The following ANKH variants were observed in gnomAD, a reference collection of about 807,000 sequenced individuals.
ANKH encodes the protein mineralization regulator ANKH.
Under a neutral mutation model 49.0 loss-of-function variants are expected in ANKH, and 15 were observed. That is an observed-to-expected ratio of 0.31 (90% CI 0.20 to 0.47). The LOEUF (loss-of-function observed/expected upper bound fraction) is 0.47. Among genes scored for constraint, ANKH ranks in the 20% least tolerant of loss-of-function variants. ANKH has a pLI of 1.00. For synonymous variants in ANKH, 273 were observed against 260.0 expected (o/e 1.05, Z -0.48); for missense variants, 429 against 652.0 (o/e 0.66, Z 3.72).
chr5:14,749,883 C>T (rs1738657787), intron 5 of ANKH, among the ~76,000 whole-genome samples: 1 of 152,244 alleles, frequency 6.6e-6, no homozygotes, highest in Non-Finnish European at 1.5e-5. Context: ...CCTAAGACTT[C>T]TGTGGCAAAG....
At chr5:14,860,940 A>G (rs927635100) in intron 1 of ANKH, among the ~76,000 whole-genome samples, 12 of 151,154 alleles carry the variant, frequency 7.9e-5, no homozygotes, top group African/African-American at 2.9e-4. Context: ...CCACCACCAC[A>G]CCCGGCTAAT....
intron 3 of ANKH, among the ~76,000 whole-genome samples, chr5:14,757,430 A>ATATATCTT (rs1379233165): frequency 1.8e-5 from 2 of 113,800 alleles, no homozygotes; most frequent in South Asian, 3.0e-4. Flanking sequence ...ATATATATAT[A>ATATATCTT]TTTTTTTTTT....
chr5:14,751,094 G>A lies in ANKH; in HGVS notation c.662C>T (p.Pro221Leu), dbSNP rs747925299. ...CCCCAGCTCCGGGCCACTTCTGTCA[G>A]GGATGATGTCGTGAATGTTCTTGTA... The part of the protein sequence containing the change: ...GYYKNIHDII[P>L]DRSGPELGGD... Residue 221 changes from proline to leucine, a missense_variant, in exon 5 of 12, where the codon CCT becomes CTT. Pro to Leu is a moderately conservative substitution (Grantham distance 98). Transcript: ENST00000284268. The A allele has an allele frequency of 6.2e-7, 1 of 1,614,242 alleles. No homozygotes were observed. Among genetic ancestry groups the A allele is most frequent in the Non-Finnish European group, 8.5e-7 (1 of 1,180,048 alleles).
intron 1 of ANKH, among the ~76,000 whole-genome samples, chr5:14,806,425 G>T (rs1039391222): frequency 2.0e-5 from 3 of 152,038 alleles, no homozygotes; most frequent in Non-Finnish European, 4.4e-5. Flanking sequence ...TTCAATAATT[G>T]CCACTTAATA....
At chr5:14,868,104 C>T (rs902442609) in intron 1 of ANKH, among the ~76,000 whole-genome samples, 1 of 152,176 alleles carries the variant, frequency 6.6e-6, no homozygotes, top group Non-Finnish European at 1.5e-5. Flanking sequence ...GAGACTGTTA[C>T]AGGCTCTTTC....
chr5:14,830,476 T>C (rs1741469800), intron 1 of ANKH, among the ~76,000 whole-genome samples: 1 of 151,650 alleles, frequency 6.6e-6, no homozygotes, highest in Admixed American at 6.6e-5. Flanking sequence ...TATTCCCTGA[T>C]GGCTTGGATA....
intron 1 of ANKH, among the ~76,000 whole-genome samples, chr5:14,835,437 A>G: frequency 6.6e-6 from 1 of 152,156 alleles, no homozygotes. Flanking sequence ...CCATTTTTGT[A>G]ATCAGGCCCT....
At chr5:14,795,538 T>C (rs1041608937) in intron 1 of ANKH, among the ~76,000 whole-genome samples, 2 of 152,268 alleles carry the variant, frequency 1.3e-5, no homozygotes, top group Admixed American at 6.5e-5. Flanking sequence ...ATGAGAACTA[T>C]ATAAAGGATG....
intron 1 of ANKH, among the ~76,000 whole-genome samples, chr5:14,855,661 T>G (rs1014511662): frequency 6.6e-6 from 1 of 152,134 alleles, no homozygotes; most frequent in African/African-American, 2.4e-5. Context: ...CCATGGTACA[T>G]GGTAGTCACC....
rs752475619 is a variant in ANKH, at chr5:14,751,230, C to T, written c.526G>A (p.Val176Ile). The T allele has an allele frequency of 2.5e-6, 4 of 1,613,976 alleles. No homozygotes were observed. The highest frequency in any genetic ancestry group is 1.7e-5 in the Admixed American group (1 of 60,004). ...AGGTGACTGTGAAGCAAAATGGCTA[C>T]AAAAACAACCTGAGAGAAGGGAGAA... is the stretch of plus-strand genomic sequence containing the variant. ...ISDVIAQVVF[V>I]AILLHSHLEC... is the part of the protein sequence containing the mutation. Residue 176 changes from valine to isoleucine, a missense_variant, in exon 5 of 12, where the codon GTA becomes ATA. Val to Ile is a conservative substitution (Grantham distance 29). Around this residue, in one of 2 missense-constraint regions of ANKH, gnomAD observed 378 missense variants for 615.3 expected, o/e 0.61. Coordinates refer to ENST00000284268, the MANE Select transcript of ANKH (RefSeq NM_054027.6).
intron 1 of ANKH, among the ~76,000 whole-genome samples, chr5:14,845,500 C>A (rs1741933511): frequency 6.6e-6 from 1 of 152,100 alleles, no homozygotes. Context: ...ATCTTTGTGA[C>A]CTTACCATAT....
chr5:14,750,702 C>T (rs75819196), intron 5 of ANKH, among the ~76,000 whole-genome samples: 1,700 of 152,286 alleles, frequency 0.011, 37 homozygotes, highest in African/African-American at 0.039. Context: ...TAAAATCAAA[C>T]ACAATGAAAT....
Position 14,716,856 on chromosome 5 carries a change from CAG to C in ANKH, c.1012-23_1012-22del, listed in dbSNP as rs545643134. ...CAGAGCTGGGGAGAAAGACATCAAA[CAG>C]GGTTGTGAGGAAAAAGTGTAAGCAG... On this transcript the variant is annotated intron_variant, in intron 8 of 11. Transcript: ENST00000284268. 39 of 1,613,088 alleles carry C rather than the reference CAG, an allele frequency of 2.4e-5. No homozygotes were observed. The South Asian group carries it at 2.6e-4, about 11-fold the overall frequency.
intron 1 of ANKH, among the ~76,000 whole-genome samples, chr5:14,827,115 G>A (rs1259080940): frequency 6.6e-6 from 1 of 152,214 alleles, no homozygotes; most frequent in African/African-American, 2.4e-5. Context: ...CAGCTGAGCG[G>A]TCACCACTGT....
At chr5:14,765,061 A>G (rs879314351) in intron 2 of ANKH, among the ~76,000 whole-genome samples, 3 of 152,258 alleles carry the variant, frequency 2.0e-5, no homozygotes, top group Non-Finnish European at 2.9e-5. Context: ...GCTTTCCTCC[A>G]TGCAGCACAA....
At position 14,857,212 on chromosome 5, in the gene ANKH, G is replaced by A. The variant is rs186280310; in HGVS notation, c.96+14140C>T. Among the ~76,000 whole-genome samples, 147 of 152,074 alleles carry A rather than the reference G, an allele frequency of 9.7e-4. 2 individuals carry two copies. The East Asian group carries it at 0.025, about 26-fold the overall frequency. ...GAGACAAAGCAGTTCCCTGCAGGAG[G>A]TGAGATCTTCCCAGATATACAGGGA... On this transcript the variant is annotated intron_variant, in intron 1 of 11. Transcript: ENST00000284268.
chr5:14,748,065 G>A lies in ANKH; in HGVS notation c.822+1107C>T, dbSNP rs1738595582. 2.0e-5 allele frequency among the ~76,000 whole-genome samples: 3 copies of A among 152,108 alleles called. No homozygotes were observed. The South Asian group carries it at 6.2e-4, about 32-fold the overall frequency. ...TGCCATCGAGAGCAATTTTCAAATG[G>A]CTCTAATGTATAATTTGTCCTTTTT... On this transcript the variant is annotated intron_variant, in intron 6 of 11. Transcript: ENST00000284268.
chr5:14,853,393 T>C (rs1020559342), intron 1 of ANKH, among the ~76,000 whole-genome samples: 3 of 152,014 alleles, frequency 2.0e-5, no homozygotes, highest in Non-Finnish European at 4.4e-5. Context: ...CTGGGTAACA[T>C]AGTGAGACCC....
At chr5:14,828,488 C>G (rs543634712) in intron 1 of ANKH, among the ~76,000 whole-genome samples, 2 of 152,126 alleles carry the variant, frequency 1.3e-5, no homozygotes, top group Non-Finnish European at 2.9e-5. Flanking sequence ...GATTGCACCA[C>G]TGCACTCCCA....
Sources: gnomAD v4.1 joint callset for allele counts (sites outside exome capture counted in the v4.1 genomes callset) on GRCh38, gnomAD v4.1.1 for gene constraint, gnomAD v4.1.1 regional missense constraint, MANE v1.5 for transcripts, NCBI Gene and HGNC (gene_info 2026-07-23, HGNC 2026-07-21) for gene names.